The following TBC1D9 variants were observed in gnomAD, a reference collection of about 807,000 sequenced individuals.
TBC1D9 encodes TBC1 domain family member 9A.
TBC1D9 carries 63 observed loss-of-function variants against 132.0 expected under a neutral mutation model. That is an observed-to-expected ratio of 0.48 (90% confidence interval 0.39 to 0.59). The LOEUF (loss-of-function observed/expected upper bound fraction) is 0.59. Among genes scored for constraint, TBC1D9 ranks in the 20% least tolerant of loss-of-function variants. TBC1D9 has a pLI of 0.00. For missense variants in TBC1D9, 1,261 were observed against 1,592.7 expected, an observed-to-expected ratio of 0.79 and a Z score of 3.54; for synonymous variants, 610 against 609.9, an observed-to-expected ratio of 1.00 and a Z score of 0.00.
intron 13 of TBC1D9, chr4:140,644,009 G>A (rs962592256): frequency 3.9e-6 from 2 of 511,832 alleles, no homozygotes; most frequent in African/African-American, 1.9e-5. Context: ...GCGGCTCTGG[G>A]ATCTTGGAGG....
intron 1 of TBC1D9, among the ~76,000 whole-genome samples, chr4:140,744,668 G>A (rs1243794140): frequency 6.6e-6 from 1 of 152,054 alleles, no homozygotes; most frequent in African/African-American, 2.4e-5. Context: ...TGGATCACCT[G>A]AGGTCAGGAG....
In TBC1D9 at chr4:140,634,015, G is replaced by A. The variant is rs771671901; in HGVS notation, c.2679C>T (p.Arg893=). Residue 893 remains arginine, a synonymous_variant, in exon 16 of 21, where the codon CGC becomes CGT. Coordinates refer to ENST00000442267, the MANE Select transcript of TBC1D9 (RefSeq NM_015130.3). ...CATTTTCATCTAATAACTGGAACAA[G>A]CGGGAGGCCAGAACGTCAGAGTGAG... ...CGTHSDVLAS[R]LFQLLDENGD... is the part of the protein sequence containing the mutation. The A allele has an allele frequency of 6.2e-7, 1 of 1,613,954 alleles. No homozygotes were observed. Among genetic ancestry groups the A allele is most frequent in the East Asian group, 2.2e-5 (1 of 44,874 alleles).
At chr4:140,691,403 G>T (rs1363731577) in intron 2 of TBC1D9, among the ~76,000 whole-genome samples, 1 of 152,148 alleles carries the variant, frequency 6.6e-6, no homozygotes, top group African/African-American at 2.4e-5. Flanking sequence ...TCAAGTCTTA[G>T]AACTTATTAA....
intron 15 of TBC1D9, among the ~76,000 whole-genome samples, chr4:140,634,867 G>A (rs1021509551): frequency 1.3e-5 from 2 of 152,126 alleles, no homozygotes; most frequent in Non-Finnish European, 2.9e-5. Flanking sequence ...GAACCACTCC[G>A]GCGAGCAGAA....
intron 6 of TBC1D9, among the ~76,000 whole-genome samples, chr4:140,676,320 C>T (rs1016478208): frequency 6.6e-6 from 1 of 152,234 alleles, no homozygotes; most frequent in Non-Finnish European, 1.5e-5. Context: ...TAGCACTCAT[C>T]CCCTGATTGC....
intron 3 of TBC1D9, among the ~76,000 whole-genome samples, chr4:140,680,093 C>A (rs1737681873): frequency 6.6e-6 from 1 of 152,010 alleles, no homozygotes; most frequent in African/African-American, 2.4e-5. Context: ...AGGAATGAAG[C>A]CTATAGTTTT....
At chr4:140,750,623 C>T (rs1578867665) in intron 1 of TBC1D9, among the ~76,000 whole-genome samples, 3 of 151,100 alleles carry the variant, frequency 2.0e-5, no homozygotes, top group South Asian at 2.1e-4. Flanking sequence ...TATAAAACAC[C>T]GAGAAAAACT....
intron 1 of TBC1D9, among the ~76,000 whole-genome samples, chr4:140,708,810 C>T (rs892968184): frequency 3.4e-4 from 52 of 152,050 alleles, no homozygotes; most frequent in African/African-American, 1.1e-3. Flanking sequence ...GGAGGTTTGT[C>T]AGGGAAGGTG....
intron 15 of TBC1D9, 85 bp from the exon 16 acceptor site, chr4:140,634,273 C>G: frequency 1.9e-6 from 3 of 1,542,402 alleles, no homozygotes; most frequent in Non-Finnish European, 2.6e-6. Flanking sequence ...TTGGAAAGGG[C>G]TTTAGGTGAA....
intron 6 of TBC1D9, among the ~76,000 whole-genome samples, chr4:140,673,110 G>A (rs139285929): frequency 6.6e-6 from 1 of 150,996 alleles, no homozygotes; most frequent in African/African-American, 2.4e-5. Context: ...AGGCTGCAGT[G>A]AACCAAGACT....
chr4:140,689,244 C>G (rs1369380537), intron 2 of TBC1D9, among the ~76,000 whole-genome samples: 1 of 152,140 alleles, frequency 6.6e-6, no homozygotes, highest in East Asian at 1.9e-4. Context: ...CATGCTCTGC[C>G]CTTTACCAAG....
At position 140,756,316 on chromosome 4, in the gene TBC1D9, G is replaced by A. The variant is rs1242214190; in HGVS notation, c.-271C>T. On this transcript the variant is annotated 5_prime_UTR_variant, in exon 1 of 21. Coordinates refer to ENST00000442267, the MANE Select transcript of TBC1D9 (RefSeq NM_015130.3). The surrounding 1 kb of genome is among the most constrained non-coding windows in gnomAD (Gnocchi z 5.6). ...CGCCGCCCCGCGAGAGCCCGCGGCC[G>A]CAGACGCCCGGCCTGGCACTCTGCA... Among the ~76,000 whole-genome samples, 1 of 151,972 alleles carries A rather than the reference G, an allele frequency of 6.6e-6. No homozygotes were observed. Among genetic ancestry groups the A allele is most frequent in the African/African-American group, 2.4e-5 (1 of 41,424 alleles).
intron 1 of TBC1D9, among the ~76,000 whole-genome samples, chr4:140,754,920 T>G (rs924092907): frequency 6.6e-6 from 1 of 152,194 alleles, no homozygotes; most frequent in African/African-American, 2.4e-5. Context: ...TCAAGAATCT[T>G]TATTTCATAG....
At chr4:140,731,861 T>C (rs1738598129) in intron 1 of TBC1D9, among the ~76,000 whole-genome samples, 1 of 152,178 alleles carries the variant, frequency 6.6e-6, no homozygotes, top group Non-Finnish European at 1.5e-5. Flanking sequence ...CTCTCTTCTT[T>C]CCACCATACC....
intron 9 of TBC1D9, 34 bp downstream of exon 9, chr4:140,668,883 T>G (rs1239298855): frequency 6.2e-7 from 1 of 1,610,058 alleles, no homozygotes; most frequent in Admixed American, 1.7e-5. Context: ...TCCCACAGAC[T>G]TTGACGCCAG....
chr4:140,699,720 T>C (rs943374493), intron 2 of TBC1D9, among the ~76,000 whole-genome samples: 1 of 152,068 alleles, frequency 6.6e-6, no homozygotes, highest in Admixed American at 6.6e-5. Flanking sequence ...GATGGGATAC[T>C]GAAACAGAAA....
At chr4:140,645,440 TG>T in intron 13 of TBC1D9, 1 of 426,988 alleles carries the variant, frequency 2.3e-6, no homozygotes, top group Non-Finnish European at 4.6e-6. Flanking sequence ...CCGGCCTCTC[TG>T]GGTCGCGCTT....
chr4:140,749,973 G>A (rs747410596), intron 1 of TBC1D9, among the ~76,000 whole-genome samples: 7 of 151,904 alleles, frequency 4.6e-5, no homozygotes, highest in Non-Finnish European at 7.4e-5. Flanking sequence ...TTGAAAATCA[G>A]TTACTATAAG....
chr4:140,670,059 A>G (rs1313477043), intron 7 of TBC1D9, among the ~76,000 whole-genome samples: 1 of 152,222 alleles, frequency 6.6e-6, no homozygotes, highest in Non-Finnish European at 1.5e-5. Context: ...TATTTGCAAC[A>G]AAGTGCTTGG....
Sources: gnomAD v4.1 joint callset for allele counts (sites outside exome capture counted in the v4.1 genomes callset) on GRCh38, gnomAD v4.1.1 for gene constraint, Gnocchi (gnomAD v3.1) non-coding constraint, MANE v1.5 for transcripts, NCBI Gene and HGNC (gene_info 2026-07-23, HGNC 2026-07-21) for gene names.